RYR1: variants seen among roughly 807,000 people sequenced by gnomAD.
The protein encoded by RYR1 is central core disease of muscle.
RYR1 carries 342 observed loss-of-function variants against 583.5 expected under a neutral mutation model. That is an observed-to-expected ratio of 0.59 (90% CI 0.54 to 0.64). RYR1 has a LOEUF of 0.64. RYR1 is among the 30% of genes least tolerant of loss of function. The pLI is 0.00. For synonymous variants in RYR1, 2,791 were observed against 2,822.5 expected (o/e 0.99, Z 0.35); for missense variants, 6,032 against 6,917.2 (o/e 0.87, Z 4.54).
chr19:38,526,558 C>A (rs1280562743), intron 71 of RYR1, among the ~76,000 whole-genome samples: 1 of 150,010 alleles, frequency 6.7e-6, no homozygotes, highest in Non-Finnish European at 1.5e-5. Flanking sequence ...CCCCAGTGAA[C>A]CCCCACCCTG....
intron 83 of RYR1, among the ~76,000 whole-genome samples, chr19:38,537,294 T>C (rs1972016728): frequency 6.6e-6 from 1 of 152,118 alleles, no homozygotes; most frequent in South Asian, 2.1e-4. Context: ...TCTAGCCTCC[T>C]CCCCTACCGC....
Position 38,496,554 on chromosome 19 carries a change from G to A in RYR1, c.6796+13G>A, listed in dbSNP as rs369828153. The A allele has an allele frequency of 5.0e-5, 80 of 1,612,880 alleles. No individual in the cohort carries two copies. The highest frequency in any genetic ancestry group is 6.4e-5 in the Non-Finnish European group (76 of 1,180,012). The stretch of plus-strand genomic sequence containing the variant: ...GGCATCGGCCTGGGTGAGAACCCCC[G>A]AGCCCAGGGGCTGTCCCCCAGAACC... On this transcript the variant is annotated intron_variant, in intron 41 of 105. Coordinates refer to ENST00000359596, the MANE Select transcript of RYR1 (RefSeq NM_000540.3). The surrounding 1 kb of genome is among the most constrained non-coding windows in gnomAD (Gnocchi z 4.8).
At chr19:38,560,892 G>A (rs1342889349) in intron 89 of RYR1, among the ~76,000 whole-genome samples, 1 of 151,368 alleles carries the variant, frequency 6.6e-6, no homozygotes, top group Non-Finnish European at 1.5e-5. Flanking sequence ...CAGGTGTAGC[G>A]GTGTGTGCCT....
intron 34 of RYR1, among the ~76,000 whole-genome samples, chr19:38,488,619 A>G (rs2145555972): frequency 6.6e-6 from 1 of 152,302 alleles, no homozygotes; most frequent in East Asian, 1.9e-4. Context: ...CTCTTGCCTC[A>G]GCCTCCTGAG....
rs1190082179 is a variant in RYR1 at position 38,554,550 on chromosome 19, A to G, written c.12282+6130A>G. On this transcript the variant is annotated intron_variant, in intron 89 of 105. Transcript: ENST00000359596. ...TTACAAATCACATCTTCATTGATGAAGTACTTTGTAGATTTCAAAACATCT... is the reference window on the plus strand; with the variant it reads ...TTACAAATCACATCTTCATTGATGAGGTACTTTGTAGATTTCAAAACATCT... 3.3e-5 allele frequency among the ~76,000 whole-genome samples: 5 copies of G among 151,720 alleles called. No individual in the cohort carries two copies. The South Asian group carries it at 1.0e-3, about 32-fold the overall frequency.
chr19:38,518,427 A>G (rs1045690533), intron 66 of RYR1, among the ~76,000 whole-genome samples: 11 of 150,020 alleles, frequency 7.3e-5, no homozygotes, highest in Admixed American at 4.7e-4. Flanking sequence ...AAAAAAAGAA[A>G]TATTTGTGTA....
chr19:38,485,812 C>T lies in RYR1; in HGVS notation c.5157C>T (p.Leu1719=), dbSNP rs772867465. ...ATGACCTCCTCATCAGCATCCACCT[C>T]GAAAGTGCCTGCCGCAGCCGCCGCT... ...GYYDLLISIH[L]ESACRSRRSM... The change falls in exon 34 of 106, where the codon CTC becomes CTT. Residue 1719 remains leucine (L), a synonymous_variant. Coordinates refer to ENST00000359596, the MANE Select transcript of RYR1 (RefSeq NM_000540.3). 6.2e-7 allele frequency: 1 copy of T among 1,613,262 alleles called. No homozygotes were observed. Among genetic ancestry groups the T allele is most frequent in the Non-Finnish European group, 8.5e-7 (1 of 1,179,998 alleles).
chr19:38,506,098 A>G, intron 54 of RYR1, 152 bp downstream of exon 54: 1 of 1,177,910 alleles, frequency 8.5e-7, no homozygotes. Flanking sequence ...CTGGGAAAGG[A>G]GAGGGCAGGG....
chr19:38,567,851 T>A lies in RYR1; in HGVS notation c.13593T>A (p.Pro4531=). 1 of 1,613,450 alleles carries A rather than the reference T, an allele frequency of 6.2e-7. No homozygotes were observed. The highest frequency in any genetic ancestry group is 8.5e-7 in the Non-Finnish European group (1 of 1,179,834). The change falls in exon 93 of 106, where the codon CCT becomes CCA. Residue 4531 remains proline (P), a synonymous_variant. Coordinates refer to ENST00000359596, the MANE Select transcript of RYR1 (RefSeq NM_000540.3). ...AGAAGCAAGCACCTCCCTCACCCCCTCCAAAGAAGGAGGAAGCTGGAGGCG... is the reference window on the plus strand; with the variant it reads ...AGAAGCAAGCACCTCCCTCACCCCCACCAAAGAAGGAGGAAGCTGGAGGCG... ...PPKKQAPPSP[P]PKKEEAGGEF... is the part of the protein sequence containing the mutation.
rs776921141 is a variant in RYR1 at position 38,532,502 on chromosome 19, G to A, written c.11154G>A (p.Glu3718=). ...TALTEKSKLD[E]DYLYMAYADI... ...CTTACTTCCCCAGCAAACTGGATGA[G>A]GATTACCTGTACATGGCCTATGCTG... Residue 3718 remains glutamate, a synonymous_variant, in exon 77 of 106, where the codon GAG becomes GAA. Coordinates refer to ENST00000359596, the MANE Select transcript of RYR1 (RefSeq NM_000540.3). The A allele has an allele frequency of 3.7e-6, 6 of 1,614,052 alleles. No individual in the cohort carries two copies. The African/African-American group carries it at 6.7e-5, about 18-fold the overall frequency.
At position 38,527,714 on chromosome 19, in the gene RYR1, A is replaced by G; in HGVS notation, c.10754A>G (p.Asp3585Gly). 1 of 1,613,218 alleles carries G rather than the reference A, an allele frequency of 6.2e-7. No individual in the cohort carries two copies. The highest frequency in any genetic ancestry group is 8.5e-7 in the Non-Finnish European group (1 of 1,179,800). The change falls in exon 73 of 106, where the codon GAC becomes GGC. Residue 3585 changes from aspartate (D) to glycine (G), a missense_variant. Transcript: ENST00000359596. ...LYRGVPGREE[D>G]ADDPEKIVRR... is the part of the protein sequence containing the mutation. ...CGGGGCGTCCCGGGTCGCGAGGAGGACGCCGATGACCCCGAGAAAATCGTG... is the reference window on the plus strand; with the variant it reads ...CGGGGCGTCCCGGGTCGCGAGGAGGGCGCCGATGACCCCGAGAAAATCGTG...
At chr19:38,477,330 A>G (rs1361246086) in intron 29 of RYR1, among the ~76,000 whole-genome samples, 1 of 151,960 alleles carries the variant, frequency 6.6e-6, no homozygotes, top group East Asian at 1.9e-4. Context: ...TTTAGTAGAG[A>G]CAGAGTTTCA....
At position 38,565,151 on chromosome 19, in the gene RYR1, G is replaced by A; in HGVS notation, c.12817G>A (p.Glu4273Lys). 10 of 1,517,046 alleles carry A rather than the reference G, an allele frequency of 6.6e-6. No homozygotes were observed. The highest frequency in any genetic ancestry group is 7.9e-6 in the Non-Finnish European group (9 of 1,136,120). 94.0% of individuals were successfully genotyped at this position (1,517,046 alleles called of 1,614,324 possible). A position where few individuals can be genotyped will look rare whatever the true frequency, so the allele number is the denominator to read the frequency against. ...EGAGAAEAGA[E>K]GAEEGAAGLE... ...CGCGGGCGCGGCGGAGGCGGGCGCG[G>A]AAGGCGCGGAGGAGGGCGCGGCGGG... The change falls in exon 91 of 106, where the codon GAA becomes AAA. Residue 4273 changes from glutamate to lysine, a missense_variant. Transcript: ENST00000359596. The surrounding 1 kb of genome is among the most constrained non-coding windows in gnomAD (Gnocchi z 4.7).
Position 38,444,331 on chromosome 19 carries a change from G to T in RYR1, c.537+70G>T. The T allele has an allele frequency of 7.9e-7, 1 of 1,265,584 alleles. No homozygotes were observed. The allele number at this position is 1,265,584 out of a possible 1,614,324, so 78.4% of individuals were successfully genotyped here. A position where few individuals can be genotyped will look rare whatever the true frequency, so the allele number is the denominator to read the frequency against. On this transcript the variant is annotated intron_variant, in intron 6 of 105. Transcript: ENST00000359596. The surrounding 1 kb of genome is among the most constrained non-coding windows in gnomAD (Gnocchi z 5.1). ...GGGATGGTCCCCATCTTCTCACCAT[G>T]GGTTTGCCTGGCTGATCTCCCACCC...
At chr19:38,448,957 G>A (rs540996565) in intron 11 of RYR1, 144 bp downstream of exon 11, 2 of 798,236 alleles carry the variant, frequency 2.5e-6, no homozygotes, top group East Asian at 5.4e-5. Flanking sequence ...GGGTACTGAG[G>A]GGTGGTGCTT....
intron 58 of RYR1, among the ~76,000 whole-genome samples, chr19:38,510,083 G>A (rs779319088): frequency 6.6e-6 from 1 of 152,166 alleles, no homozygotes; most frequent in Non-Finnish European, 1.5e-5. Context: ...CACATTGGGA[G>A]GTTGAGGCGG....
At chr19:38,567,632 TTA>T in intron 92 of RYR1, 139 bp from the exon 93 acceptor site, 1 of 1,199,052 alleles carries the variant, frequency 8.3e-7, no homozygotes, top group South Asian at 1.3e-5. Context: ...CAAGTCCTGA[TTA>T]TCTCATCATC....
intron 42 of RYR1, among the ~76,000 whole-genome samples, chr19:38,498,460 G>C (rs974359069): frequency 3.3e-5 from 5 of 152,098 alleles, no homozygotes; most frequent in African/African-American, 1.2e-4. Context: ...CCAAAGAGAA[G>C]GTTCTTGGAT....
chr19:38,549,849 G>T (rs1819324497), intron 89 of RYR1, among the ~76,000 whole-genome samples: 1 of 148,926 alleles, frequency 6.7e-6, no homozygotes, highest in South Asian at 2.1e-4. Context: ...GGGATTACAG[G>T]CACGCACCAC....
Sources: allele counts gnomAD v4.1 joint callset (sites outside exome capture counted in the v4.1 genomes callset), GRCh38; gene constraint gnomAD v4.1.1; non-coding constraint Gnocchi (gnomAD v3.1); transcripts MANE v1.5; gene names NCBI Gene and HGNC (gene_info 2026-07-23, HGNC 2026-07-21).